The following ZDHHC20 variants were observed in gnomAD, a reference collection of about 807,000 sequenced individuals.
ZDHHC20 encodes palmitoyltransferase ZDHHC20.
A neutral mutation model predicts 57.8 loss-of-function variants in ZDHHC20; 43 were observed. The observed-to-expected ratio is 0.74, with a 90% CI of 0.58 to 0.96. The LOEUF is 0.96. Ranked by LOEUF, ZDHHC20 falls within the 40% of genes least tolerant of loss-of-function variation. The probability of loss-of-function intolerance (pLI) is 0.00; values close to 1 mark genes in which losing one functional copy is unlikely to be tolerated. For synonymous variants in ZDHHC20, 157 were observed against 153.0 expected, an observed-to-expected ratio of 1.03 and a Z score of -0.19; for missense variants, 391 against 441.1, an observed-to-expected ratio of 0.89 and a Z score of 1.02.
In ZDHHC20 at chr13:21,407,017, ATTTC is replaced by A. The variant is rs761924529; in HGVS notation, c.371-4155_371-4152del. On this transcript the variant is annotated intron_variant, in intron 4 of 12. Coordinates refer to ENST00000400590, the MANE Select transcript of ZDHHC20 (RefSeq NM_001330059.2). ...CCACAAACAGTGTAAAAGTGTTTCT[ATTTC>A]TTTGTCACCCAGGCTGGAGTGCAGT... Among the ~76,000 whole-genome samples, 9 of 151,962 alleles carry A rather than the reference ATTTC, an allele frequency of 5.9e-5. No homozygotes were observed. In the South Asian group the frequency reaches 6.2e-4, roughly 11 times the overall value.
intron 1 of ZDHHC20, among the ~76,000 whole-genome samples, chr13:21,436,367 C>T (rs1411281894): frequency 6.6e-6 from 1 of 152,320 alleles, no homozygotes; most frequent in Non-Finnish European, 1.5e-5. Flanking sequence ...ATGTTTTTTA[C>T]AAATCGAAGG....
Position 21,447,112 on chromosome 13 carries a change from C to G in ZDHHC20, c.118+11942G>C, listed in dbSNP as rs149226950. 3.8e-3 allele frequency among the ~76,000 whole-genome samples: 576 copies of G among 151,920 alleles called. 4 individuals carry two copies. The highest frequency in any genetic ancestry group is 0.013 in the African/African-American group (549 of 41,436). On this transcript the variant is annotated intron_variant, in intron 1 of 12. Coordinates refer to ENST00000400590, the MANE Select transcript of ZDHHC20 (RefSeq NM_001330059.2). ...TGGAGCACAGGAAGAGACAGGTTTA[C>G]AAGGATACTACAATATAGGTGATAA...
intron 3 of ZDHHC20, among the ~76,000 whole-genome samples, chr13:21,418,629 T>C (rs997959848): frequency 6.6e-6 from 1 of 152,178 alleles, no homozygotes; most frequent in African/African-American, 2.4e-5. Flanking sequence ...TGCAGAAGTA[T>C]GAGCTAAACC....
chr13:21,392,222 A>C (rs1036466686), intron 7 of ZDHHC20, among the ~76,000 whole-genome samples: 1 of 152,020 alleles, frequency 6.6e-6, no homozygotes, highest in Non-Finnish European at 1.5e-5. Context: ...TAAAAAAAAA[A>C]AAAAAACAAT....
At chr13:21,397,001 T>C (rs1195797333) in intron 7 of ZDHHC20, among the ~76,000 whole-genome samples, 1 of 152,200 alleles carries the variant, frequency 6.6e-6, no homozygotes, top group African/African-American at 2.4e-5. Context: ...AGCTTGCTTT[T>C]TCACTCCAAA....
chr13:21,398,867 A>G (rs1877219233), intron 7 of ZDHHC20, among the ~76,000 whole-genome samples: 1 of 152,224 alleles, frequency 6.6e-6, no homozygotes, highest in African/African-American at 2.4e-5. Flanking sequence ...GGCTAGGAAC[A>G]GCAATTGTGA....
At chr13:21,432,995 C>T (rs1448185758) in intron 1 of ZDHHC20, among the ~76,000 whole-genome samples, 1 of 152,222 alleles carries the variant, frequency 6.6e-6, no homozygotes, top group Non-Finnish European at 1.5e-5. Flanking sequence ...TCCATTCTTA[C>T]TCAGATACTA....
chr13:21,431,419 A>G (rs1023881886), intron 1 of ZDHHC20, among the ~76,000 whole-genome samples: 1 of 152,256 alleles, frequency 6.6e-6, no homozygotes, highest in Non-Finnish European at 1.5e-5. Context: ...GGGAAATTAC[A>G]GGAGTACAAC....
At chr13:21,402,104 T>G (rs1457548765) in intron 5 of ZDHHC20, among the ~76,000 whole-genome samples, 1 of 152,110 alleles carries the variant, frequency 6.6e-6, no homozygotes, top group African/African-American at 2.4e-5. Flanking sequence ...ACACAGTACT[T>G]GGTACATTAG....
intron 7 of ZDHHC20, among the ~76,000 whole-genome samples, chr13:21,396,842 A>AAAAGAAAG (rs3066490): frequency 1.4e-5 from 2 of 148,076 alleles, no homozygotes; most frequent in Non-Finnish European, 3.0e-5. Flanking sequence ...CAAAAAAAAA[A>AAAAGAAAG]AAAGAAAGAA....
At chr13:21,432,420 C>A (rs1278508936) in intron 1 of ZDHHC20, among the ~76,000 whole-genome samples, 1 of 151,778 alleles carries the variant, frequency 6.6e-6, no homozygotes, top group Non-Finnish European at 1.5e-5. Context: ...AGCTCTGCCT[C>A]CTGGGTTCAC....
rs747307477 is a variant in ZDHHC20, at chr13:21,414,527, A to ATTTTTTTT, written c.250-763_250-756dup. ...AGGCGCACGCCACTATGCCCGGATA[A>ATTTTTTTT]TTTTTTTTTTTTTTTTTGTATTTTT... On this transcript the variant is annotated intron_variant, in intron 3 of 12. Coordinates refer to ENST00000400590, the MANE Select transcript of ZDHHC20 (RefSeq NM_001330059.2). 1.1e-3 allele frequency among the ~76,000 whole-genome samples: 117 copies of ATTTTTTTT among 107,438 alleles called. 1 individual carries two copies. The highest frequency in any genetic ancestry group is 1.5e-3 in the Admixed American group (14 of 9,456). 70.5% of individuals were successfully genotyped at this position (107,438 alleles called of 152,430 possible). A position where few individuals can be genotyped will look rare whatever the true frequency, so the allele number is the denominator to read the frequency against.
chr13:21,453,543 T>G (rs1884649499), intron 1 of ZDHHC20, among the ~76,000 whole-genome samples: 1 of 152,112 alleles, frequency 6.6e-6, no homozygotes, highest in Non-Finnish European at 1.5e-5. Context: ...TAAGCACACA[T>G]GGAACACAGC....
At chr13:21,421,203 G>A (rs532073319) in intron 2 of ZDHHC20, 39 bp from the exon 3 acceptor site, 39 of 1,537,434 alleles carry the variant, frequency 2.5e-5, no homozygotes, top group Non-Finnish European at 3.2e-5. Context: ...TTGAATCCAG[G>A]TGAAAACAGC....
intron 4 of ZDHHC20, among the ~76,000 whole-genome samples, chr13:21,409,882 T>G (rs969131184): frequency 4.0e-4 from 61 of 152,218 alleles, no homozygotes; most frequent in African/African-American, 1.5e-3. Context: ...AGCCTACTTC[T>G]GTCAATCTGT....
intron 1 of ZDHHC20, among the ~76,000 whole-genome samples, chr13:21,455,255 A>G (rs1189788196): frequency 6.6e-6 from 1 of 152,196 alleles, no homozygotes; most frequent in Admixed American, 6.5e-5. Flanking sequence ...CATCAGAAGT[A>G]AAGGGACTGA....
Position 21,395,268 on chromosome 13 carries a change from A to G in ZDHHC20, c.595-3414T>C, listed in dbSNP as rs760679861. On this transcript the variant is annotated intron_variant, in intron 7 of 12. Coordinates refer to ENST00000400590, the MANE Select transcript of ZDHHC20 (RefSeq NM_001330059.2). ...TTTTTAGTAGATACGGGGTTTCACCATGTTAGTCAGGATGGTCTTGATCTC... is the reference window on the plus strand; with the variant it reads ...TTTTTAGTAGATACGGGGTTTCACCGTGTTAGTCAGGATGGTCTTGATCTC... Among the ~76,000 whole-genome samples the G allele has an allele frequency of 5.9e-5, 9 of 151,822 alleles. No homozygotes were observed. The South Asian group carries it at 1.5e-3, about 25-fold the overall frequency.
chr13:21,380,307 G>T (rs12864599), intron 11 of ZDHHC20, among the ~76,000 whole-genome samples: 19 of 150,532 alleles, frequency 1.3e-4, no homozygotes, highest in Admixed American at 7.9e-4. Context: ...GTAGAGATGG[G>T]GTTTCACCAC....
chr13:21,398,690 T>C (rs1877186092), intron 7 of ZDHHC20, among the ~76,000 whole-genome samples: 1 of 152,194 alleles, frequency 6.6e-6, no homozygotes, highest in Non-Finnish European at 1.5e-5. Flanking sequence ...TGATAAGATT[T>C]GTAAAGATGT....
Sources: gnomAD v4.1 joint callset for allele counts (sites outside exome capture counted in the v4.1 genomes callset) on GRCh38, gnomAD v4.1.1 for gene constraint, MANE v1.5 for transcripts, NCBI Gene and HGNC (gene_info 2026-07-23, HGNC 2026-07-21) for gene names.